Variants in CALCR observed in about 807,000 individuals in gnomAD.
CALCR encodes calcitonin receptor.
CALCR carries 47 observed loss-of-function variants against 59.5 expected under a neutral mutation model. The ratio of observed to expected loss-of-function variants is 0.79; its 90% CI spans 0.63 to 1.01. The LOEUF (loss-of-function observed/expected upper bound fraction) is 1.01, where lower values mean the gene tolerates loss of function less well. CALCR is among the 50% of genes least tolerant of loss of function. The pLI, the probability that CALCR is intolerant of heterozygous loss-of-function variation, is 0.00. For synonymous variants in CALCR, 213 were observed against 211.3 expected, an observed-to-expected ratio of 1.01 and a Z score of -0.07; for missense variants, 566 against 597.1, an observed-to-expected ratio of 0.95 and a Z score of 0.54.
chr7:93,473,582 C>G (rs1010349599), intron 5 of CALCR, among the ~76,000 whole-genome samples: 5 of 106,706 alleles, frequency 4.7e-5, no homozygotes, highest in African/African-American at 1.9e-4. Context: ...CTGGTTTGGC[C>G]CCCCCCCCTT....
chr7:93,459,340 A>G (rs1411594680), intron 8 of CALCR, among the ~76,000 whole-genome samples: 2 of 152,312 alleles, frequency 1.3e-5, no homozygotes, highest in African/African-American at 2.4e-5. Flanking sequence ...CCCCGCTCCA[A>G]TCAGTTATAT....
At chr7:93,520,558 A>G (rs577812149) in intron 2 of CALCR, among the ~76,000 whole-genome samples, 1 of 152,106 alleles carries the variant, frequency 6.6e-6, no homozygotes, top group Non-Finnish European at 1.5e-5. Context: ...TAGAAAATTT[A>G]TTTCTAGCAA....
chr7:93,563,322 C>G (rs1789789158), intron 2 of CALCR, among the ~76,000 whole-genome samples: 1 of 152,136 alleles, frequency 6.6e-6, no homozygotes. Context: ...CTTTTTCTCT[C>G]CACATCATTA....
chr7:93,471,058 G>C (rs1045184131), intron 6 of CALCR, among the ~76,000 whole-genome samples: 1 of 151,492 alleles, frequency 6.6e-6, no homozygotes, highest in African/African-American at 2.4e-5. Flanking sequence ...AGTTTACTGA[G>C]AATGTGAAAA....
intron 2 of CALCR, among the ~76,000 whole-genome samples, chr7:93,551,378 C>G (rs1371620062): frequency 6.6e-6 from 1 of 152,146 alleles, no homozygotes; most frequent in Admixed American, 6.5e-5. Flanking sequence ...AAAACTTTTC[C>G]AACTCATTTG....
chr7:93,497,560 T>C (rs931526621), intron 2 of CALCR, among the ~76,000 whole-genome samples: 2 of 151,714 alleles, frequency 1.3e-5, no homozygotes, highest in African/African-American at 2.4e-5. Context: ...AAATCAGGTG[T>C]TCTGACTCCT....
chr7:93,428,469 G>A (rs1799578299), intron 13 of CALCR, among the ~76,000 whole-genome samples: 1 of 152,178 alleles, frequency 6.6e-6, no homozygotes, highest in African/African-American at 2.4e-5. Context: ...AAATATACAG[G>A]TTCAGCACAT....
At chr7:93,542,966 T>A (rs1413398795) in intron 2 of CALCR, among the ~76,000 whole-genome samples, 1 of 152,194 alleles carries the variant, frequency 6.6e-6, no homozygotes, top group Non-Finnish European at 1.5e-5. Flanking sequence ...CACTGATTTT[T>A]TTTTTTTAAG....
chr7:93,437,563 G>T (rs1799806116), intron 11 of CALCR, among the ~76,000 whole-genome samples: 2 of 152,182 alleles, frequency 1.3e-5, no homozygotes. Flanking sequence ...TCCTAGGTAA[G>T]TAAGAACTGT....
chr7:93,479,156 C>G (rs972543665), intron 4 of CALCR, among the ~76,000 whole-genome samples, 198 bp downstream of exon 4: 3 of 151,788 alleles, frequency 2.0e-5, no homozygotes, highest in Non-Finnish European at 2.9e-5. Flanking sequence ...AGATGTTAGC[C>G]AAATTGCAGT....
chr7:93,495,757 G>T, intron 2 of CALCR: 1 of 686,290 alleles, frequency 1.5e-6, no homozygotes, highest in Non-Finnish European at 2.4e-6. Context: ...AGTTAATGCA[G>T]ACCCTAAACC....
At chr7:93,521,676 G>A (rs1801766957) in intron 2 of CALCR, among the ~76,000 whole-genome samples, 1 of 151,874 alleles carries the variant, frequency 6.6e-6, no homozygotes, top group Non-Finnish European at 1.5e-5. Flanking sequence ...ATAATTCATT[G>A]CTAGGGACTC....
chr7:93,545,367 T>A (rs535450102), intron 2 of CALCR, among the ~76,000 whole-genome samples: 1 of 152,310 alleles, frequency 6.6e-6, no homozygotes, highest in African/African-American at 2.4e-5. Context: ...CTATCCAGTG[T>A]AATTTCTGCC....
rs1799900024 is a variant in CALCR at position 93,441,366 on chromosome 7, G to A, written c.802+2238C>T. The A allele has an allele frequency of 1.8e-5, 6 of 324,680 alleles. No homozygotes were observed. In the Admixed American group the frequency reaches 2.5e-4, roughly 14 times the overall value. 20.1% of individuals were successfully genotyped at this position (324,680 alleles called of 1,614,324 possible). On this transcript the variant is annotated intron_variant, in intron 9 of 13. Coordinates refer to ENST00000426151, the MANE Select transcript of CALCR (RefSeq NM_001742.4). ...AATGTTATTTTCAGGTCTTTGACTG[G>A]AAGGCATTTGATCAACACCAATTAT... is the stretch of plus-strand genomic sequence containing the variant.
At chr7:93,452,446 G>T (rs1298946703) in intron 8 of CALCR, among the ~76,000 whole-genome samples, 1 of 152,000 alleles carries the variant, frequency 6.6e-6, no homozygotes, top group African/African-American at 2.4e-5. Context: ...CTGTCAACCT[G>T]TACAGTCTTT....
At chr7:93,488,200 G>A (rs1800991481) in intron 2 of CALCR, among the ~76,000 whole-genome samples, 1 of 151,636 alleles carries the variant, frequency 6.6e-6, no homozygotes, top group Non-Finnish European at 1.5e-5. Flanking sequence ...TTCTGGGCAA[G>A]CAAATGCTGA....
chr7:93,470,009 C>A (rs1402079877), intron 6 of CALCR, among the ~76,000 whole-genome samples: 3 of 151,616 alleles, frequency 2.0e-5, no homozygotes, highest in Non-Finnish European at 4.4e-5. Context: ...TTATTGTTAT[C>A]CTGAAATGAA....
Position 93,550,067 on chromosome 7 carries a change from CT to C in CALCR, c.-27+24221del, listed in dbSNP as rs200005996. Among the ~76,000 whole-genome samples the C allele has an allele frequency of 6.6e-3, 1,008 of 152,184 alleles. 5 individuals are homozygous for C. Among genetic ancestry groups the C allele is most frequent in the Non-Finnish European group, 0.01 (680 of 67,992 alleles). ...AATATATCAAAATGTGAGGTGGAAT[CT>C]TTTTTTATTTAGAATAGAATATTTA... On this transcript the variant is annotated intron_variant, in intron 2 of 13. Transcript: ENST00000426151.
chr7:93,571,137 T>A (rs900538916), intron 2 of CALCR, among the ~76,000 whole-genome samples: 1 of 152,162 alleles, frequency 6.6e-6, no homozygotes, highest in Non-Finnish European at 1.5e-5. Context: ...ACACAAAATC[T>A]TATCACTTGG....
Sources: gnomAD v4.1 joint callset for allele counts (sites outside exome capture counted in the v4.1 genomes callset) on GRCh38, gnomAD v4.1.1 for gene constraint, MANE v1.5 for transcripts, NCBI Gene and HGNC (gene_info 2026-07-23, HGNC 2026-07-21) for gene names.